PRC1: variants seen among roughly 807,000 people sequenced by gnomAD.
The protein encoded by PRC1 is anaphase spindle elongation 1 homolog.
A neutral mutation model predicts 91.2 loss-of-function variants in PRC1; 54 were observed. That is an observed-to-expected ratio of 0.59 (90% confidence interval 0.48 to 0.74). The LOEUF (loss-of-function observed/expected upper bound fraction) is 0.74. Ranked by LOEUF, PRC1 falls within the 30% of genes least tolerant of loss-of-function variation. The pLI, the probability that PRC1 is intolerant of heterozygous loss-of-function variation, is 0.00. For synonymous variants in PRC1, 275 were observed against 263.6 expected (o/e 1.04, Z -0.42); for missense variants, 727 against 746.2 (o/e 0.97, Z 0.30).
At chr15:90,967,378 T>C (rs1433520998) in intron 14 of PRC1, 176 bp from the exon 15 acceptor site, 1 of 614,366 alleles carries the variant, frequency 1.6e-6, no homozygotes, top group Non-Finnish European at 2.9e-6. Flanking sequence ...ACCATTCTAT[T>C]AGTCACAGAC....
intron 6 of PRC1, 42 bp from the exon 7 acceptor site, chr15:90,980,431 AT>A: frequency 6.3e-7 from 1 of 1,596,228 alleles, no homozygotes; most frequent in African/African-American, 1.3e-5. Flanking sequence ...CCATAGTTTT[AT>A]ATTCACTCAG....
chr15:90,986,594 T>C (rs907614935), intron 1 of PRC1, among the ~76,000 whole-genome samples: 21 of 152,168 alleles, frequency 1.4e-4, no homozygotes, highest in Admixed American at 7.2e-4. Flanking sequence ...GCCAAGATTG[T>C]ACCACTGTAC....
At chr15:90,977,837 C>T (rs572249568) in intron 8 of PRC1, among the ~76,000 whole-genome samples, 1 of 152,252 alleles carries the variant, frequency 6.6e-6, no homozygotes, top group African/African-American at 2.4e-5. Flanking sequence ...CTGCCTGCCT[C>T]GGCCTTCCAA....
chr15:90,980,660 C>G (rs1012298305), intron 6 of PRC1: 2 of 688,896 alleles, frequency 2.9e-6, no homozygotes, highest in Non-Finnish European at 4.7e-6. Flanking sequence ...GCTGGGATTA[C>G]AGGCGCACGC....
In PRC1 at chr15:90,974,129, T is replaced by A. The variant is rs778102439; in HGVS notation, c.1461+7A>T. Reference sequence around the variant, plus strand: ...GAAATCAGTGTTTCCCTAAGCCTTGTGTTTACCTTACGTGCTTTGCCCGGT... The same window carrying A: ...GAAATCAGTGTTTCCCTAAGCCTTGAGTTTACCTTACGTGCTTTGCCCGGT... On this transcript the variant is annotated splice_region_variant and intron_variant, in intron 11 of 14. Coordinates refer to ENST00000394249, the MANE Select transcript of PRC1 (RefSeq NM_003981.4). This position sits in a 1 kb window ranked among gnomAD's most constrained non-coding sequence, Gnocchi z 4.6. The A allele has an allele frequency of 1.2e-6, 2 of 1,611,150 alleles. No individual in the cohort carries two copies. The highest frequency in any genetic ancestry group is 2.7e-5 in the African/African-American group (2 of 74,872).
Position 90,981,818 on chromosome 15 carries a change from C to A in PRC1, c.431G>T (p.Ser144Ile), listed in dbSNP as rs142416384. The A allele has an allele frequency of 6.2e-7, 1 of 1,614,216 alleles. No individual in the cohort carries two copies. The highest frequency in any genetic ancestry group is 8.5e-7 in the Non-Finnish European group (1 of 1,180,024). The change falls in exon 4 of 15, where the codon AGT (serine) becomes ATT (isoleucine). Residue 144 changes from serine to isoleucine, a missense_variant. Physicochemically the swap from Ser to Ile is moderately radical, Grantham distance 142. Coordinates refer to ENST00000394249, the MANE Select transcript of PRC1 (RefSeq NM_003981.4). ...ILCMPHYDID[S>I]ASVPSLEELN... Reference sequence around the variant, plus strand: ...CTCTTCTAAGCTGGGCACTGAGGCACTGTCAATATCATAGTGGGGCATACA... The same window carrying A: ...CTCTTCTAAGCTGGGCACTGAGGCAATGTCAATATCATAGTGGGGCATACA...
At chr15:90,980,746 T>C in intron 6 of PRC1, 138 bp downstream of exon 6, 2 of 1,211,116 alleles carry the variant, frequency 1.7e-6, no homozygotes, top group Non-Finnish European at 2.3e-6. Context: ...CCTCAAATGA[T>C]TCACCTGCCT....
Position 90,966,322 on chromosome 15 carries a change from GCAAAGTTCCAGATCTCCACGA to G in PRC1, c.*788_*808del. The G allele has an allele frequency of 3.5e-6, 1 of 283,434 alleles. No individual in the cohort carries two copies. Among genetic ancestry groups the G allele is most frequent in the South Asian group, 3.1e-5 (1 of 32,414 alleles). The allele number at this position is 283,434 out of a possible 1,614,324, so 17.6% of individuals were successfully genotyped here. ...GAACACCTCCCCAGTAGTGACATGTGCAAAGTTCCAGATCTCCACGACAAAGACAGCTCAACCCATTGGAAC... is the reference window on the plus strand; with the variant it reads ...GAACACCTCCCCAGTAGTGACATGTGCAAAGACAGCTCAACCCATTGGAAC... On this transcript the variant is annotated 3_prime_UTR_variant, in exon 15 of 15. Coordinates refer to ENST00000394249, the MANE Select transcript of PRC1 (RefSeq NM_003981.4).
At chr15:90,989,254 A>AT (rs1410670886) in intron 1 of PRC1, among the ~76,000 whole-genome samples, 1 of 151,720 alleles carries the variant, frequency 6.6e-6, no homozygotes, top group Non-Finnish European at 1.5e-5. Context: ...TCCTCAATTG[A>AT]TTTTTTGTTT....
intron 12 of PRC1, 94 bp from the exon 13 acceptor site, chr15:90,969,717 T>TA (rs1384367946): frequency 1.3e-5 from 11 of 850,924 alleles, no homozygotes; most frequent in Admixed American, 2.9e-5. Flanking sequence ...TGAGACTATC[T>TA]TTATATTCAT....
chr15:90,974,752 A>T lies in PRC1; in HGVS notation c.1204-21T>A. On this transcript the variant is annotated intron_variant, in intron 9 of 14. Transcript: ENST00000394249. This position sits in a 1 kb window ranked among gnomAD's most constrained non-coding sequence, Gnocchi z 4.6. ...TCCAGCTGAGACCAGAAACAAGGAC[A>T]TGTTAATTACTTCAACTCTTTAGTG... 6.2e-7 allele frequency: 1 copy of T among 1,613,984 alleles called. No homozygotes were observed.
intron 14 of PRC1, chr15:90,967,776 G>A (rs2037649543): frequency 2.2e-6 from 2 of 921,224 alleles, no homozygotes; most frequent in Non-Finnish European, 2.6e-6. Context: ...ACTCTGATAT[G>A]TGCACAATGA....
intron 1 of PRC1, among the ~76,000 whole-genome samples, chr15:90,990,906 G>A (rs888211420): frequency 6.6e-6 from 1 of 151,760 alleles, no homozygotes; most frequent in Non-Finnish European, 1.5e-5. Context: ...AGCCTCCTGA[G>A]TAGCTGGGAC....
At chr15:90,994,267 C>A (rs1016768502) in intron 1 of PRC1, 140 bp downstream of exon 1, 32 of 1,345,586 alleles carry the variant, frequency 2.4e-5, no homozygotes, top group Non-Finnish European at 3.0e-5. Context: ...CCCCTCAGCG[C>A]CCCCGGCCTC....
rs773216668 is a variant in PRC1, at chr15:90,969,587, G to A, written c.1609C>T (p.Pro537Ser). The A allele has an allele frequency of 6.2e-7, 1 of 1,612,744 alleles. No individual in the cohort carries two copies. The highest frequency in any genetic ancestry group is 1.1e-5 in the South Asian group (1 of 90,964). ...AASTCSGKKT[P>S]RTGRHGANKE... ...TTGGCTCCATGCCTGCCAGTACGGG[G>A]TGTTTTCTTCCCTGAACAGGTGGAA... The change falls in exon 13 of 15, where the codon CCC becomes TCC. Residue 537 changes from proline to serine, a missense_variant. Coordinates refer to ENST00000394249, the MANE Select transcript of PRC1 (RefSeq NM_003981.4).
At chr15:90,980,053 G>A (rs139855100) in intron 7 of PRC1, among the ~76,000 whole-genome samples, 189 bp downstream of exon 7, 2 of 152,348 alleles carry the variant, frequency 1.3e-5, no homozygotes, top group Admixed American at 6.5e-5. Context: ...CCTGTTGAAT[G>A]TCTGGATGTC....
chr15:90,971,118 T>A (rs191087198), intron 11 of PRC1, among the ~76,000 whole-genome samples: 4 of 152,168 alleles, frequency 2.6e-5, no homozygotes, highest in Non-Finnish European at 5.9e-5. Context: ...AAATCCCTAC[T>A]CGCCACAGCT....
In PRC1 at chr15:90,974,099, C is replaced by T. The variant is rs756078087; in HGVS notation, c.1461+37G>A. On this transcript the variant is annotated intron_variant, in intron 11 of 14. Transcript: ENST00000394249. This position sits in a 1 kb window ranked among gnomAD's most constrained non-coding sequence, Gnocchi z 4.6. Reference sequence around the variant, plus strand: ...GTGGCTGGGACTACCCTCACCCACTCCCTTGAAATCAGTGTTTCCCTAAGC... The same window carrying T: ...GTGGCTGGGACTACCCTCACCCACTTCCTTGAAATCAGTGTTTCCCTAAGC... 3.8e-6 allele frequency: 6 copies of T among 1,576,848 alleles called. No homozygotes were observed. The highest frequency in any genetic ancestry group is 1.3e-5 in the African/African-American group (1 of 74,092).
chr15:90,967,573 G>A (rs543521705), intron 14 of PRC1: 1 of 172,184 alleles, frequency 5.8e-6, no homozygotes, highest in East Asian at 1.6e-4. Flanking sequence ...CCTTTTCTAT[G>A]TTTAGATACA....
Sources: allele counts gnomAD v4.1 joint callset (sites outside exome capture counted in the v4.1 genomes callset), GRCh38; gene constraint gnomAD v4.1.1; non-coding constraint Gnocchi (gnomAD v3.1); transcripts MANE v1.5; gene names NCBI Gene and HGNC (gene_info 2026-07-23, HGNC 2026-07-21).